SYNC: variants seen among roughly 807,000 people sequenced by gnomAD.
The protein encoded by SYNC is syncoilin, intermediate filament protein.
A neutral mutation model predicts 49.5 loss-of-function variants in SYNC; 38 were observed. That is an observed-to-expected ratio of 0.77 (90% CI 0.59 to 1.01). The LOEUF (loss-of-function observed/expected upper bound fraction) is 1.01, where lower values mean the gene tolerates loss of function less well. Among genes scored for constraint, SYNC ranks in the 50% least tolerant of loss-of-function variants. SYNC has a pLI of 0.00. For missense variants in SYNC, 579 were observed against 580.6 expected, an observed-to-expected ratio of 1.00 and a Z score of 0.03; for synonymous variants, 201 against 230.8, an observed-to-expected ratio of 0.87 and a Z score of 1.17.
intron 1 of SYNC, among the ~76,000 whole-genome samples, chr1:32,698,148 G>C (rs961696440): frequency 1.4e-5 from 2 of 146,914 alleles, no homozygotes; most frequent in Admixed American, 1.4e-4. Flanking sequence ...GCTTGAACCT[G>C]GGAGGCAGAG....
chr1:32,685,751 T>C lies in SYNC; in HGVS notation c.1234-1369A>G, dbSNP rs143180728. On this transcript the variant is annotated intron_variant, in intron 2 of 4. Coordinates refer to ENST00000409190, the MANE Select transcript of SYNC (RefSeq NM_030786.3). The stretch of plus-strand genomic sequence containing the variant: ...CCCGTTGGTAAGGTACAAAAGTACA[T>C]GCTTGGAAAAGCAGTCTGCACCACC... 1.1e-4 allele frequency: 16 copies of C among 152,318 alleles called. No homozygotes were observed. The East Asian group carries it at 2.9e-3, about 28-fold the overall frequency. 9.4% of individuals were successfully genotyped at this position (152,318 alleles called of 1,614,324 possible). A position where few individuals can be genotyped will look rare whatever the true frequency, so the allele number is the denominator to read the frequency against.
chr1:32,695,720 C>A lies in SYNC; in HGVS notation c.378G>T (p.Glu126Asp), dbSNP rs1208241852. The A allele has an allele frequency of 3.2e-6, 5 of 1,551,564 alleles. No individual in the cohort carries two copies. Among genetic ancestry groups the A allele is most frequent in the Non-Finnish European group, 4.4e-6 (5 of 1,147,010 alleles). The change falls in exon 2 of 5, where the codon GAG (glutamate) becomes GAT (aspartate). Residue 126 changes from glutamate to aspartate, a missense_variant. Glu to Asp is a conservative substitution (Grantham distance 45, BLOSUM62 2). Transcript: ENST00000409190. ...GCTCTGGGCTTGTGGGCTTTCCTGG[C>A]TCCACGGGCCCCTCCACAAACTGTA... ...DRIQFVEGPV[E>D]PGKPTSPEHV...
intron 2 of SYNC, among the ~76,000 whole-genome samples, chr1:32,691,388 C>T (rs1650157423): frequency 5.3e-5 from 1 of 18,736 alleles, no homozygotes; most frequent in South Asian, 3.8e-3. Flanking sequence ...GAAGAGACTC[C>T]GACTAAAAAA....
intron 1 of SYNC, among the ~76,000 whole-genome samples, chr1:32,701,863 G>C (rs1053679570): frequency 1.3e-5 from 2 of 152,222 alleles, no homozygotes; most frequent in African/African-American, 4.8e-5. Flanking sequence ...GAGTCCGTGT[G>C]TCTGACTGTA....
At chr1:32,701,446 G>A (rs1231447892) in intron 1 of SYNC, among the ~76,000 whole-genome samples, 1 of 152,122 alleles carries the variant, frequency 6.6e-6, no homozygotes, top group African/African-American at 2.4e-5. Flanking sequence ...TATATCCTAG[G>A]GTGGGGCTCT....
In SYNC at chr1:32,695,857, CCTCTGCCTT is replaced by C; in HGVS notation, c.232_240del (p.Lys78_Glu80del). 6.4e-7 allele frequency: 1 copy of C among 1,552,042 alleles called. No individual in the cohort carries two copies. Among genetic ancestry groups the C allele is most frequent in the African/African-American group, 1.4e-5 (1 of 73,132 alleles). The stretch of plus-strand genomic sequence containing the variant: ...ATGGCCTCCTCAATATACAGGGCCT[CCTCTGCCTT>C]CTCAGTCTCTTGCACATAGAGTGTC... On this transcript the variant is annotated inframe_deletion, in exon 2 of 5. Coordinates refer to ENST00000409190, the MANE Select transcript of SYNC (RefSeq NM_030786.3).
In SYNC at chr1:32,695,965, C is replaced by G. The variant is rs1372740226; in HGVS notation, c.133G>C (p.Val45Leu). The G allele has an allele frequency of 6.5e-7, 1 of 1,546,026 alleles. No homozygotes were observed. The highest frequency in any genetic ancestry group is 1.2e-5 in the South Asian group (1 of 84,062). The change falls in exon 2 of 5, where the codon GTT becomes CTT. Residue 45 changes from valine (V) to leucine (L), a missense_variant. By Grantham distance (32) the Val-to-Leu change is conservative (BLOSUM62 1). Transcript: ENST00000409190. Reference protein sequence around the residue: ...LNEAEALNPEVTLSSEGSLNL... With the variant: ...LNEAEALNPELTLSSEGSLNL... ...AAGGACCCCTCTGAAGATAGAGTAA[C>G]TTCTGGGTTCAAGGCTTCTGCCTCA...
At chr1:32,681,934 G>T in intron 4 of SYNC, 74 bp from the exon 5 acceptor site, 2 of 1,335,066 alleles carry the variant, frequency 1.5e-6, no homozygotes, top group Non-Finnish European at 2.2e-6. Flanking sequence ...GTTGAGAAGA[G>T]ATTGTTACAG....
In SYNC at chr1:32,684,353, C is replaced by G; in HGVS notation, c.1263G>C (p.Gln421His). 1 of 1,614,202 alleles carries G rather than the reference C, an allele frequency of 6.2e-7. No homozygotes were observed. Among genetic ancestry groups the G allele is most frequent in the Non-Finnish European group, 8.5e-7 (1 of 1,180,034 alleles). The change falls in exon 3 of 5, where the codon CAG (glutamine) becomes CAC (histidine). Residue 421 changes from glutamine (Q) to histidine (H), a missense_variant. By Grantham distance (24) the Gln-to-His change is conservative. Transcript: ENST00000409190. ...REQLEEMEER[Q>H]RQLRNGVQLQ... ...GTTGCACCCCATTTCTTAACTGCCT[C>G]TGGCGTTCTTCCATTTCCTCCAGCT...
Position 32,684,356 on chromosome 1 carries a change from G to T in SYNC, c.1260C>A (p.Arg420=), listed in dbSNP as rs752610030. 6.2e-7 allele frequency: 1 copy of T among 1,614,074 alleles called. No individual in the cohort carries two copies. The highest frequency in any genetic ancestry group is 2.2e-5 in the East Asian group (1 of 44,882). The change falls in exon 3 of 5, where the codon CGC becomes CGA. Residue 420 remains arginine (R), a synonymous_variant. Transcript: ENST00000409190. ...GCACCCCATTTCTTAACTGCCTCTGGCGTTCTTCCATTTCCTCCAGCTGTT... is the reference window on the plus strand; with the variant it reads ...GCACCCCATTTCTTAACTGCCTCTGTCGTTCTTCCATTTCCTCCAGCTGTT... The part of the protein sequence containing the change: ...YREQLEEMEE[R]QRQLRNGVQL...
chr1:32,692,104 C>T (rs1030640767), intron 2 of SYNC, among the ~76,000 whole-genome samples: 4 of 152,008 alleles, frequency 2.6e-5, no homozygotes, highest in South Asian at 2.1e-4. Flanking sequence ...CGGTGGCGGG[C>T]GCCTGCAATC....
intron 1 of SYNC, among the ~76,000 whole-genome samples, chr1:32,698,991 G>T (rs1650560842): frequency 6.6e-6 from 1 of 151,390 alleles, no homozygotes; most frequent in Non-Finnish European, 1.5e-5. Context: ...TGTTGCTCAG[G>T]CTGGTCTCAA....
intron 1 of SYNC, among the ~76,000 whole-genome samples, chr1:32,699,879 C>T (rs1650600052): frequency 6.6e-6 from 1 of 151,780 alleles, no homozygotes; most frequent in Non-Finnish European, 1.5e-5. Context: ...ACTACAGGCG[C>T]CCACCACCAT....
At chr1:32,681,896 C>A in intron 4 of SYNC, 36 bp from the exon 5 acceptor site, 1 of 1,586,822 alleles carries the variant, frequency 6.3e-7, no homozygotes, top group Non-Finnish European at 8.7e-7. Context: ...TAACAGTGAA[C>A]TTCTGAGGTT....
chr1:32,698,429 G>C (rs894448078), intron 1 of SYNC, among the ~76,000 whole-genome samples: 59 of 152,078 alleles, frequency 3.9e-4, no homozygotes, highest in Non-Finnish European at 1.6e-4. Context: ...TGAGGCAGGA[G>C]AATGGTGTGA....
Position 32,698,052 on chromosome 1 carries a change from G to A in SYNC, c.54-2008C>T, listed in dbSNP as rs1405373727. ...AGCCTAGCCAACATGGTGAAACCCC[G>A]TCTCTACTAAAAATACAAAACTTAG... On this transcript the variant is annotated intron_variant, in intron 1 of 4. Transcript: ENST00000409190. Among the ~76,000 whole-genome samples the A allele has an allele frequency of 2.6e-5, 4 of 151,658 alleles. No individual in the cohort carries two copies. In the East Asian group the frequency reaches 7.8e-4, roughly 30 times the overall value.
intron 2 of SYNC, among the ~76,000 whole-genome samples, chr1:32,687,855 A>ATTTTTTTTTTTTTT (rs143074006): frequency 7.4e-6 from 1 of 135,516 alleles, no homozygotes; most frequent in African/African-American, 2.7e-5. Flanking sequence ...TATTATTATT[A>ATTTTTTTTTTTTTT]TTATTATTTT....
rs1201421634 is a variant in SYNC at position 32,680,339 on chromosome 1, T to G, written c.*1511A>C. ...TTTATTTCCTGTCTGTGAAATGGTG[T>G]TTTTTTTTTTGTTGTTGGTTTTTTT... On this transcript the variant is annotated 3_prime_UTR_variant, in exon 5 of 5. Transcript: ENST00000409190. The G allele has an allele frequency of 7.8e-5, 52 of 668,734 alleles. No homozygotes were observed. Among genetic ancestry groups the G allele is most frequent in the African/African-American group, 1.5e-4 (7 of 45,288 alleles). The allele number at this position is 668,734 out of a possible 1,614,324, so 41.4% of individuals were successfully genotyped here. A position where few individuals can be genotyped will look rare whatever the true frequency, so the allele number is the denominator to read the frequency against.
In SYNC at chr1:32,695,444, G is replaced by C; in HGVS notation, c.654C>G (p.Ile218Met). 6.4e-7 allele frequency: 1 copy of C among 1,551,632 alleles called. No individual in the cohort carries two copies. The highest frequency in any genetic ancestry group is 2.4e-5 in the East Asian group (1 of 40,832). Residue 218 changes from isoleucine to methionine, a missense_variant, in exon 2 of 5, where the codon ATC becomes ATG. Transcript: ENST00000409190. ...GGGCATGGAGCTTGTAGGCAGCCAG[G>C]ATGTCTTGATGGACTTGCTGTACCT... ...LQEVQQVHQD[I>M]LAAYKLHAQA...
Sources: gnomAD v4.1 joint callset for allele counts (sites outside exome capture counted in the v4.1 genomes callset) on GRCh38, gnomAD v4.1.1 for gene constraint, MANE v1.5 for transcripts, NCBI Gene and HGNC (gene_info 2026-07-23, HGNC 2026-07-21) for gene names.